Variants in ROBO1 observed in about 807,000 individuals in gnomAD.
ROBO1 encodes the protein roundabout homolog 1.
In ROBO1, 149 loss-of-function variants were observed where a neutral mutation model predicts 195.9. That is an observed-to-expected ratio of 0.76 (90% CI 0.67 to 0.87). The LOEUF (loss-of-function observed/expected upper bound fraction) is 0.87, where lower values mean the gene tolerates loss of function less well. Ranked by LOEUF, ROBO1 falls within the 40% of genes least tolerant of loss-of-function variation. The pLI, the probability that ROBO1 is intolerant of heterozygous loss-of-function variation, is 0.00. For synonymous variants in ROBO1, 816 were observed against 733.2 expected (o/e 1.11, Z -1.82); for missense variants, 1,933 against 2,068.3 (o/e 0.93, Z 1.27).
chr3:79,312,043 A>T (rs1221111590), intron 2 of ROBO1, among the ~76,000 whole-genome samples: 4 of 152,120 alleles, frequency 2.6e-5, no homozygotes, highest in African/African-American at 9.7e-5. Flanking sequence ...CTTCCCTAAC[A>T]CTCAGCCCCA....
chr3:78,701,464 C>T (rs2081419587), intron 8 of ROBO1, among the ~76,000 whole-genome samples: 1 of 152,094 alleles, frequency 6.6e-6, no homozygotes, highest in Non-Finnish European at 1.5e-5. Context: ...TTTATAAGCC[C>T]CCATCCATGT....
intron 1 of ROBO1, among the ~76,000 whole-genome samples, chr3:79,685,309 A>G (rs550833837): frequency 3.5e-4 from 53 of 152,084 alleles, no homozygotes; most frequent in South Asian, 8.3e-4. Flanking sequence ...AGCTTATGTA[A>G]CTCTCAGGTC....
intron 4 of ROBO1, among the ~76,000 whole-genome samples, chr3:78,926,371 T>C (rs2107623292): frequency 6.6e-6 from 1 of 152,248 alleles, no homozygotes; most frequent in South Asian, 2.1e-4. Context: ...TAATGGTGAT[T>C]CTGATTCAAA....
intron 3 of ROBO1, among the ~76,000 whole-genome samples, chr3:78,984,170 TGTG>T (rs969267137): frequency 1.3e-5 from 2 of 152,208 alleles, no homozygotes; most frequent in African/African-American, 4.8e-5. Flanking sequence ...ATGAGAGGAC[TGTG>T]GTGGTGGTGG....
At chr3:79,251,926 G>T (rs9831586) in intron 2 of ROBO1, among the ~76,000 whole-genome samples, 5,415 of 151,938 alleles carry the variant, frequency 0.036, 333 homozygotes, top group African/African-American at 0.12. Flanking sequence ...CTCTAGCCTG[G>T]GGAAGAGAGC....
chr3:78,695,035 T>G (rs996574853), intron 8 of ROBO1, among the ~76,000 whole-genome samples: 9 of 150,278 alleles, frequency 6.0e-5, no homozygotes, highest in African/African-American at 2.2e-4. Context: ...ACCCTTTTCT[T>G]GCTTATAGTT....
chr3:79,084,227 G>A (rs1454373648), intron 3 of ROBO1, among the ~76,000 whole-genome samples: 1 of 152,110 alleles, frequency 6.6e-6, no homozygotes, highest in Non-Finnish European at 1.5e-5. Context: ...AAAGGCCGGC[G>A]GTGGCTCACG....
chr3:79,342,535 A>G (rs558069401), intron 2 of ROBO1, among the ~76,000 whole-genome samples: 126 of 152,290 alleles, frequency 8.3e-4, no homozygotes, highest in African/African-American at 2.9e-3. Context: ...TGATACTTTC[A>G]GTGTGATGAC....
intron 2 of ROBO1, among the ~76,000 whole-genome samples, chr3:79,579,388 T>G (rs1943589511): frequency 6.6e-6 from 1 of 152,182 alleles, no homozygotes; most frequent in African/African-American, 2.4e-5. Flanking sequence ...GCAGAAATTA[T>G]GCTACTTAAG....
At chr3:79,033,328 G>C (rs1180530394) in intron 3 of ROBO1, among the ~76,000 whole-genome samples, 1 of 152,014 alleles carries the variant, frequency 6.6e-6, no homozygotes, top group Admixed American at 6.6e-5. Flanking sequence ...CTAGTTGAAA[G>C]AATATTCTTA....
chr3:79,525,113 T>C (rs1455505508), intron 2 of ROBO1, among the ~76,000 whole-genome samples: 2 of 151,510 alleles, frequency 1.3e-5, no homozygotes, highest in Non-Finnish European at 2.9e-5. Flanking sequence ...ATTTCTTTAA[T>C]GAAAAAGATC....
intron 3 of ROBO1, among the ~76,000 whole-genome samples, chr3:79,059,407 C>T (rs115047968): frequency 0.01 from 1,552 of 152,080 alleles, 22 homozygotes; most frequent in African/African-American, 0.034. Context: ...TCTGTTTAAT[C>T]GGCTTATCTT....
intron 2 of ROBO1, among the ~76,000 whole-genome samples, chr3:79,588,374 T>C (rs187765549): frequency 6.6e-6 from 1 of 151,748 alleles, no homozygotes; most frequent in Admixed American, 6.6e-5. Context: ...ACACAGGTGG[T>C]TCAAACCTCA....
chr3:79,681,947 T>C (rs1946961908), intron 1 of ROBO1, among the ~76,000 whole-genome samples: 1 of 152,072 alleles, frequency 6.6e-6, no homozygotes, highest in Non-Finnish European at 1.5e-5. Context: ...TCATTGTTAC[T>C]GCTTATATAC....
At chr3:78,718,687 A>C (rs2081962301) in intron 5 of ROBO1, among the ~76,000 whole-genome samples, 2 of 151,972 alleles carry the variant, frequency 1.3e-5, no homozygotes, top group South Asian at 4.1e-4. Flanking sequence ...GAATATCTAC[A>C]ATGTCCTGAT....
intron 2 of ROBO1, among the ~76,000 whole-genome samples, chr3:79,378,335 C>T (rs898218633): frequency 2.0e-5 from 3 of 152,072 alleles, no homozygotes; most frequent in Non-Finnish European, 4.4e-5. Context: ...GGGCCTGTCT[C>T]CCTGTCCCCC....
chr3:78,632,923 G>C (rs1460920064), intron 24 of ROBO1, among the ~76,000 whole-genome samples: 1 of 152,136 alleles, frequency 6.6e-6, no homozygotes, highest in Non-Finnish European at 1.5e-5. Context: ...CATTTAATAA[G>C]ATGTTAATTG....
intron 2 of ROBO1, among the ~76,000 whole-genome samples, chr3:79,505,533 A>G (rs974675387): frequency 6.6e-6 from 1 of 151,480 alleles, no homozygotes; most frequent in African/African-American, 2.5e-5. Context: ...CTGAGAGAGA[A>G]GAAGAGAGGA....
intron 3 of ROBO1, among the ~76,000 whole-genome samples, chr3:79,097,886 A>G (rs2079599843): frequency 6.6e-6 from 1 of 151,578 alleles, no homozygotes; most frequent in Admixed American, 6.6e-5. Flanking sequence ...ACCTGTGGAA[A>G]AAGAATAGTT....
Sources: allele counts gnomAD v4.1 joint callset (sites outside exome capture counted in the v4.1 genomes callset), GRCh38; gene constraint gnomAD v4.1.1; transcripts MANE v1.5; gene names NCBI Gene and HGNC (gene_info 2026-07-23, HGNC 2026-07-21).